AGO4: variants seen among roughly 807,000 people sequenced by gnomAD.
AGO4 encodes the protein argonaute RISC component 4, also known as protein argonaute-4.
AGO4 carries 33 observed loss-of-function variants against 104.7 expected under a neutral mutation model. The observed-to-expected ratio is 0.32, with a 90% CI of 0.24 to 0.42. The LOEUF (loss-of-function observed/expected upper bound fraction) is 0.42. Among genes scored for constraint, AGO4 ranks in the 10% least tolerant of loss-of-function variants. The pLI is 1.00. For missense variants in AGO4, 711 were observed against 1,083.4 expected (o/e 0.66, Z 4.83); for synonymous variants, 331 against 364.7 (o/e 0.91, Z 1.05).
intron 8 of AGO4, 70 bp from the exon 9 acceptor site, chr1:35,831,742 G>T: frequency 1.3e-6 from 2 of 1,588,344 alleles, no homozygotes; most frequent in Non-Finnish European, 1.7e-6. Context: ...GAGGATATAA[G>T]ATATGGTTTG....
At chr1:35,844,292 C>A (rs1303626730) in intron 15 of AGO4, among the ~76,000 whole-genome samples, 2 of 152,184 alleles carry the variant, frequency 1.3e-5, no homozygotes, top group East Asian at 3.8e-4. Context: ...GATCAGCTCA[C>A]CTCAGCCTCT....
Position 35,826,026 on chromosome 1 carries a change from C to T in AGO4, c.726C>T (p.Asp242=). ...ATGAACAGACCAAACCTCTAACAGA[C>T]TCCCAGCGTGTCAAATTTACCAAAG... is the stretch of plus-strand genomic sequence containing the variant. ...NINEQTKPLT[D]SQRVKFTKEI... Residue 242 remains aspartate (D), a synonymous_variant, in exon 6 of 18, where the codon GAC becomes GAT. Transcript: ENST00000373210. 1.2e-6 allele frequency: 2 copies of T among 1,614,172 alleles called. No homozygotes were observed. The highest frequency in any genetic ancestry group is 8.5e-7 in the Non-Finnish European group (1 of 1,180,026).
rs1436609053 is a variant in AGO4 at position 35,841,785 on chromosome 1, G to A, written c.2175+35G>A. The stretch of plus-strand genomic sequence containing the variant: ...TATAATATAAGCTTTGTTATCTGAG[G>A]CTCTGGCAAGAGATGTATATATGCA... On this transcript the variant is annotated intron_variant, in intron 15 of 17. Coordinates refer to ENST00000373210, the MANE Select transcript of AGO4 (RefSeq NM_017629.4). This position sits in a 1 kb window ranked among gnomAD's most constrained non-coding sequence, Gnocchi z 4.7. The A allele has an allele frequency of 6.4e-7, 1 of 1,563,826 alleles. No individual in the cohort carries two copies. Among genetic ancestry groups the A allele is most frequent in the African/African-American group, 1.4e-5 (1 of 71,016 alleles).
At chr1:35,852,101 A>G (rs1242784634) in intron 17 of AGO4, among the ~76,000 whole-genome samples, 1 of 152,228 alleles carries the variant, frequency 6.6e-6, no homozygotes, top group African/African-American at 2.4e-5. Flanking sequence ...AGCAAGTGGC[A>G]TGTTTGTACA....
intron 2 of AGO4, among the ~76,000 whole-genome samples, chr1:35,818,650 A>AAGG (rs1643796810): frequency 2.4e-4 from 11 of 46,600 alleles, no homozygotes; most frequent in South Asian, 6.9e-4. Flanking sequence ...AGAAAGAAAG[A>AAGG]AAGAAAGAAA....
chr1:35,844,949 G>GTGACTCCATTGAAGTTGTTGTCTCAA (rs1644532200), intron 15 of AGO4, among the ~76,000 whole-genome samples: 1 of 152,044 alleles, frequency 6.6e-6, no homozygotes, highest in Non-Finnish European at 1.5e-5. Context: ...TTCAATTTCA[G>GTGACTCCATTGAAGTTGTTGTCTCAA]TGACTCCATT....
chr1:35,825,809 A>C lies in AGO4; in HGVS notation c.619A>C (p.Ile207Leu). 6.3e-7 allele frequency: 1 copy of C among 1,586,260 alleles called. No homozygotes were observed. The highest frequency in any genetic ancestry group is 8.6e-7 in the Non-Finnish European group (1 of 1,168,308). Residue 207 changes from isoleucine to leucine, a missense_variant, in exon 5 of 18, where the codon ATT becomes CTT. Physicochemically the swap from Ile to Leu is conservative, Grantham distance 5. Transcript: ENST00000373210. ...TGCCATGTGGAATATGATGCTCAAC[A>C]TTGATGGTAGGATGGAACTCTCTTT... ...RPAMWNMMLN[I>L]DVSATAFYRA...
chr1:35,814,940 C>A (rs1271327519), intron 1 of AGO4, among the ~76,000 whole-genome samples: 1 of 152,112 alleles, frequency 6.6e-6, no homozygotes, highest in Non-Finnish European at 1.5e-5. Context: ...TGCAGTGACA[C>A]AATCTCAGCT....
intron 8 of AGO4, 49 bp from the exon 9 acceptor site, chr1:35,831,758 GGTTTA>G: frequency 6.2e-7 from 1 of 1,606,590 alleles, no homozygotes; most frequent in Non-Finnish European, 8.5e-7. Context: ...GTTTGGCAAA[GGTTTA>G]AGATGTGGAA....
At chr1:35,843,337 A>G (rs758812643) in intron 15 of AGO4, among the ~76,000 whole-genome samples, 39 of 152,278 alleles carry the variant, frequency 2.6e-4, no homozygotes, top group Non-Finnish European at 4.0e-4. Flanking sequence ...AAGTGCTGGG[A>G]TTACAGGTGT....
In AGO4 at chr1:35,850,798, A is replaced by C. The variant is rs560759142; in HGVS notation, c.2278-56A>C. 30 of 1,082,106 alleles carry C rather than the reference A, an allele frequency of 2.8e-5. No homozygotes were observed. In the South Asian group the frequency reaches 4.6e-4, roughly 17 times the overall value. The allele number at this position is 1,082,106 out of a possible 1,614,324, so 67.0% of individuals were successfully genotyped here. Reference sequence around the variant, plus strand: ...TCCATCTCAAAAAAAAAAAAAAAAAAACAAAAACAAAAAACGAACAAAAAA... The same window carrying C: ...TCCATCTCAAAAAAAAAAAAAAAAACACAAAAACAAAAAACGAACAAAAAA... On this transcript the variant is annotated intron_variant, in intron 16 of 17. Transcript: ENST00000373210.
rs1169489485 is a variant in AGO4, at chr1:35,855,631, T to C, written c.*2026T>C. 2 of 151,682 alleles carry C rather than the reference T, an allele frequency of 1.3e-5. No homozygotes were observed. Among genetic ancestry groups the C allele is most frequent in the Non-Finnish European group, 2.9e-5 (2 of 67,946 alleles). The allele number at this position is 151,682 out of a possible 1,614,324, so 9.4% of individuals were successfully genotyped here. ...TAGCCAGGAGTGAAGAGATGGCAGA[T>C]GTTAATTTCTTAAAATTTTCCTTTT... is the stretch of plus-strand genomic sequence containing the variant. On this transcript the variant is annotated 3_prime_UTR_variant, in exon 18 of 18. Transcript: ENST00000373210.
chr1:35,829,840 TAAAAAAAAAAA>T (rs752406279), intron 7 of AGO4, among the ~76,000 whole-genome samples: 5 of 62,172 alleles, frequency 8.0e-5, no homozygotes, highest in East Asian at 4.1e-4. Flanking sequence ...GACTACATCT[TAAAAAAAAAAA>T]AAAAAAAAAA....
At chr1:35,831,654 G>C (rs775298661) in intron 8 of AGO4, 80 bp downstream of exon 8, 1 of 1,543,266 alleles carries the variant, frequency 6.5e-7, no homozygotes, top group Non-Finnish European at 8.7e-7. Flanking sequence ...AACTAGTGGT[G>C]AAATTTAGTG....
At chr1:35,816,653 G>A (rs1350411434) in intron 1 of AGO4, among the ~76,000 whole-genome samples, 1 of 151,970 alleles carries the variant, frequency 6.6e-6, no homozygotes, top group Non-Finnish European at 1.5e-5. Context: ...ACAAAAATTA[G>A]CCAGGCCTGG....
In AGO4 at chr1:35,850,961, C is replaced by T. The variant is rs1195296426; in HGVS notation, c.2385C>T (p.Cys795=). The T allele has an allele frequency of 1.2e-6, 2 of 1,613,992 alleles. No individual in the cohort carries two copies. The highest frequency in any genetic ancestry group is 1.3e-5 in the African/African-American group (1 of 74,906). ...TYQLCHTYVR[C]TRSVSIPAPA... The stretch of plus-strand genomic sequence containing the variant: ...AGCTGTGTCACACCTATGTGAGGTG[C>T]ACTCGCTCAGTCTCTATTCCAGCCC... Residue 795 remains cysteine, a synonymous_variant, in exon 17 of 18, where the codon TGC becomes TGT. Transcript: ENST00000373210.
Position 35,827,686 on chromosome 1 carries a change from A to G in AGO4, c.848+851A>G, listed in dbSNP as rs548038518. Among the ~76,000 whole-genome samples, 20 of 152,058 alleles carry G rather than the reference A, an allele frequency of 1.3e-4. No individual in the cohort carries two copies. The South Asian group carries it at 4.2e-3, about 32-fold the overall frequency. On this transcript the variant is annotated intron_variant, in intron 7 of 17. Transcript: ENST00000373210. ...ATTCAATTTACCTCTTAAGTAGAGT[A>G]TGTTAAACATAGATTAACTTTTATT...
intron 12 of AGO4, 59 bp downstream of exon 12, chr1:35,834,233 G>C: frequency 7.4e-7 from 1 of 1,354,658 alleles, no homozygotes; most frequent in African/African-American, 1.5e-5. Context: ...ATAACAGTCA[G>C]GATAAGCTAG....
In AGO4 at chr1:35,825,408, A is replaced by G; in HGVS notation, c.402A>G (p.Leu134=). Residue 134 remains leucine (L), a synonymous_variant, in exon 4 of 18, where the codon TTA becomes TTG. Transcript: ENST00000373210. The part of the protein sequence containing the change: ...WVSVVSLQLL[L]EALAGHLNEV... The stretch of plus-strand genomic sequence containing the variant: ...CAGTTGTGAGCCTTCAGTTGCTTTT[A>G]GAAGCTTTGGCTGGGCACTTGAATG... 2 of 1,614,198 alleles carry G rather than the reference A, an allele frequency of 1.2e-6. No homozygotes were observed. The highest frequency in any genetic ancestry group is 8.5e-7 in the Non-Finnish European group (1 of 1,180,032).
Sources: gnomAD v4.1 joint callset for allele counts (sites outside exome capture counted in the v4.1 genomes callset) on GRCh38, gnomAD v4.1.1 for gene constraint, Gnocchi (gnomAD v3.1) non-coding constraint, MANE v1.5 for transcripts, NCBI Gene and HGNC (gene_info 2026-07-23, HGNC 2026-07-21) for gene names.